The following ERC1 variants were observed in gnomAD, a reference collection of about 807,000 sequenced individuals.
ERC1 encodes ELKS/RAB6-interacting/CAST family member 1.
A neutral mutation model predicts 132.0 loss-of-function variants in ERC1; 56 were observed. The observed-to-expected ratio is 0.42, with a 90% CI of 0.34 to 0.53. The LOEUF is 0.53. Ranked by LOEUF, ERC1 falls within the 20% of genes least tolerant of loss-of-function variation. The pLI, the probability that ERC1 is intolerant of heterozygous loss-of-function variation, is 0.03. For synonymous variants in ERC1, 478 were observed against 476.1 expected (o/e 1.00, Z -0.05); for missense variants, 1,202 against 1,349.9 (o/e 0.89, Z 1.72).
At chr12:1,327,535 T>C (rs1398413451) in intron 15 of ERC1, among the ~76,000 whole-genome samples, 1 of 152,214 alleles carries the variant, frequency 6.6e-6, no homozygotes, top group Admixed American at 6.5e-5. Context: ...CCTGTGTCTT[T>C]AGCCATTCCC....
At chr12:1,190,890 AT>A (rs59555156) in intron 12 of ERC1, among the ~76,000 whole-genome samples, 125 of 148,440 alleles carry the variant, frequency 8.4e-4, no homozygotes, top group East Asian at 6.5e-3. Context: ...CTTAAGAATA[AT>A]TTTTTTTTTT....
intron 13 of ERC1, among the ~76,000 whole-genome samples, chr12:1,260,373 T>C (rs996023235): frequency 6.6e-6 from 1 of 152,356 alleles, no homozygotes; most frequent in South Asian, 2.1e-4. Context: ...TTTCCTCTAG[T>C]GTTCTAAACT....
chr12:1,273,246 T>C (rs115772725), intron 14 of ERC1, among the ~76,000 whole-genome samples: 394 of 152,314 alleles, frequency 2.6e-3, no homozygotes, highest in African/African-American at 8.3e-3. Flanking sequence ...ATTTGAAACA[T>C]TTGTTTAAAT....
chr12:1,359,492 G>A (rs1181732069), intron 15 of ERC1, among the ~76,000 whole-genome samples: 1 of 152,102 alleles, frequency 6.6e-6, no homozygotes, highest in Non-Finnish European at 1.5e-5. Context: ...ACCTGGCAAG[G>A]GTCTTTTTGC....
intron 13 of ERC1, among the ~76,000 whole-genome samples, chr12:1,262,049 T>A (rs2077177215): frequency 6.6e-6 from 1 of 152,212 alleles, no homozygotes. Flanking sequence ...ATAATTGAGT[T>A]TCTTAGATAA....
At position 1,491,803 on chromosome 12, in the gene ERC1, T is replaced by C. The variant is rs1263137801; in HGVS notation, c.*1573T>C. The C allele has an allele frequency of 4.3e-6, 1 of 232,314 alleles. No homozygotes were observed. The highest frequency in any genetic ancestry group is 6.1e-5 in the East Asian group (1 of 16,464). The allele number at this position is 232,314 out of a possible 1,614,324, so 14.4% of individuals were successfully genotyped here. A position where few individuals can be genotyped will look rare whatever the true frequency, so the allele number is the denominator to read the frequency against. On this transcript the variant is annotated 3_prime_UTR_variant, in exon 19 of 19. Coordinates refer to ENST00000360905, the MANE Select transcript of ERC1 (RefSeq NM_178040.4). ...CTGCAAATCAATGAAGGTATTGGCA[T>C]TGTTAAGGACGTAGCGTAGACAACA...
At chr12:1,442,719 A>G (rs1164972654) in intron 17 of ERC1, among the ~76,000 whole-genome samples, 1 of 152,176 alleles carries the variant, frequency 6.6e-6, no homozygotes, top group Non-Finnish European at 1.5e-5. Flanking sequence ...TGCTATATGT[A>G]TTATGCAGCC....
At chr12:1,180,937 G>T (rs1411215954) in intron 9 of ERC1, among the ~76,000 whole-genome samples, 1 of 151,778 alleles carries the variant, frequency 6.6e-6, no homozygotes. Context: ...TCAGCCTCCC[G>T]AGTAGCTGAG....
intron 18 of ERC1, among the ~76,000 whole-genome samples, chr12:1,478,116 A>T (rs936383788): frequency 2.6e-5 from 4 of 152,174 alleles, no homozygotes; most frequent in African/African-American, 9.7e-5. Flanking sequence ...ACTTTAGTAG[A>T]TACTGCCAGA....
intron 2 of ERC1, among the ~76,000 whole-genome samples, chr12:1,037,626 G>A (rs1284560914): frequency 1.3e-5 from 2 of 152,310 alleles, no homozygotes; most frequent in South Asian, 4.1e-4. Context: ...GGACAGCCAT[G>A]TTGAAGGAGA....
At chr12:1,284,018 A>G (rs1479777063) in intron 14 of ERC1, among the ~76,000 whole-genome samples, 1 of 152,034 alleles carries the variant, frequency 6.6e-6, no homozygotes, top group African/African-American at 2.4e-5. Flanking sequence ...ATCTAACTGT[A>G]TTTTTGTACC....
chr12:1,102,498 A>G (rs1944780083), intron 3 of ERC1, among the ~76,000 whole-genome samples: 1 of 152,126 alleles, frequency 6.6e-6, no homozygotes, highest in Admixed American at 6.5e-5. Flanking sequence ...TATGAGAAAT[A>G]GGAGGTGTAC....
At chr12:1,092,161 GCTAATTTTT>G (rs1191486636) in intron 3 of ERC1, among the ~76,000 whole-genome samples, 1 of 152,048 alleles carries the variant, frequency 6.6e-6, no homozygotes, top group African/African-American at 2.4e-5. Context: ...ACCAGGCCCA[GCTAATTTTT>G]CTGTTTTTAG....
At chr12:1,383,682 G>C (rs1192860732) in intron 16 of ERC1, among the ~76,000 whole-genome samples, 1 of 152,158 alleles carries the variant, frequency 6.6e-6, no homozygotes, top group East Asian at 1.9e-4. Context: ...TTGCATTCAA[G>C]GATAATAGGA....
At chr12:1,180,292 CGTGTGCGCGCGCGCATACACAT>C (rs1954291297) in intron 8 of ERC1, among the ~76,000 whole-genome samples, 1 of 130,290 alleles carries the variant, frequency 7.7e-6, no homozygotes, top group Non-Finnish European at 1.5e-5. Flanking sequence ...TGCGCGCACG[CGTGTGCGCGCGCGCATACACAT>C]GTGTACTTTT....
intron 12 of ERC1, among the ~76,000 whole-genome samples, chr12:1,223,164 G>T (rs573286449): frequency 1.9e-4 from 29 of 152,324 alleles, no homozygotes; most frequent in Non-Finnish European, 4.0e-4. Flanking sequence ...ATAAAGTACA[G>T]TAAAACAGGT....
intron 2 of ERC1, among the ~76,000 whole-genome samples, chr12:1,046,491 A>T (rs1399557387): frequency 6.6e-6 from 1 of 152,232 alleles, no homozygotes; most frequent in Non-Finnish European, 1.5e-5. Context: ...ATTGGGACAC[A>T]GCTATGTTTA....
intron 15 of ERC1, among the ~76,000 whole-genome samples, chr12:1,300,156 A>G (rs1310008367): frequency 1.3e-5 from 2 of 152,192 alleles, no homozygotes; most frequent in African/African-American, 2.4e-5. Context: ...CCCAGAAATA[A>G]GGCTGTACAC....
rs2080819905 is a variant in ERC1, at chr12:1,305,607, A to G, written c.2780+15595A>G. 2.0e-5 allele frequency among the ~76,000 whole-genome samples: 3 copies of G among 151,912 alleles called. No individual in the cohort carries two copies. The South Asian group carries it at 6.2e-4, about 32-fold the overall frequency. On this transcript the variant is annotated intron_variant, in intron 15 of 18. Transcript: ENST00000360905. ...TGCTTTGGCTAAAGCTCAATACCTA[A>G]TTATTATTTTCTTTTTATGCACTAT... is the stretch of plus-strand genomic sequence containing the variant.
Sources: allele counts gnomAD v4.1 joint callset (sites outside exome capture counted in the v4.1 genomes callset), GRCh38; gene constraint gnomAD v4.1.1; transcripts MANE v1.5; gene names NCBI Gene and HGNC (gene_info 2026-07-23, HGNC 2026-07-21).